SLC8A1: variants seen among roughly 807,000 people sequenced by gnomAD.
SLC8A1 encodes the protein solute carrier family 8 member A1, also known as sodium/calcium exchanger 1.
In SLC8A1, 18 loss-of-function variants were observed where a neutral mutation model predicts 68.3. The ratio of observed to expected loss-of-function variants is 0.26; its 90% CI spans 0.18 to 0.39. The LOEUF (loss-of-function observed/expected upper bound fraction) is 0.39. Ranked by LOEUF, SLC8A1 falls within the 10% of genes least tolerant of loss-of-function variation. The probability of loss-of-function intolerance (pLI) is 1.00; values close to 1 mark genes in which losing one functional copy is unlikely to be tolerated. For missense variants in SLC8A1, 985 were observed against 1,156.7 expected, an observed-to-expected ratio of 0.85 and a Z score of 2.15; for synonymous variants, 475 against 415.5, an observed-to-expected ratio of 1.14 and a Z score of -1.74.
intron 1 of SLC8A1, among the ~76,000 whole-genome samples, chr2:40,433,189 T>G (rs564281190): frequency 6.6e-6 from 1 of 152,096 alleles, no homozygotes; most frequent in Admixed American, 6.6e-5. Context: ...TCTTCATTGG[T>G]TTCCCACTTC....
chr2:40,191,686 T>C (rs1429304031), intron 2 of SLC8A1, among the ~76,000 whole-genome samples: 1 of 152,150 alleles, frequency 6.6e-6, no homozygotes, highest in African/African-American at 2.4e-5. Flanking sequence ...AATTCCTGGG[T>C]TAATTACAGG....
intron 1 of SLC8A1, among the ~76,000 whole-genome samples, chr2:40,484,808 G>T (rs998737553): frequency 1.3e-5 from 2 of 152,174 alleles, no homozygotes; most frequent in African/African-American, 2.4e-5. Context: ...CAGAGGAGCT[G>T]GTGGAGGGTC....
chr2:40,399,989 T>G (rs1327306571), intron 2 of SLC8A1, among the ~76,000 whole-genome samples: 1 of 152,188 alleles, frequency 6.6e-6, no homozygotes, highest in African/African-American at 2.4e-5. Context: ...ACAGACATTG[T>G]ATAGAAAAGC....
chr2:40,215,568 C>T (rs1371684141), intron 2 of SLC8A1, among the ~76,000 whole-genome samples: 2 of 138,728 alleles, frequency 1.4e-5, no homozygotes, highest in Admixed American at 8.1e-5. Context: ...ACCCGGGAAG[C>T]GGAGCTTGCA....
intron 2 of SLC8A1, among the ~76,000 whole-genome samples, chr2:40,265,249 A>T (rs2065218340): frequency 6.6e-6 from 1 of 152,220 alleles, no homozygotes; most frequent in South Asian, 2.1e-4. Context: ...GTTGTCCATT[A>T]CAGCAGGATA....
intron 2 of SLC8A1, among the ~76,000 whole-genome samples, chr2:40,291,966 C>T (rs1474134613): frequency 1.3e-5 from 2 of 150,850 alleles, no homozygotes; most frequent in South Asian, 4.2e-4. Flanking sequence ...CCATTAAAAG[C>T]ACCTTTATAA....
At chr2:40,158,794 G>A (rs1335945255) in intron 6 of SLC8A1, among the ~76,000 whole-genome samples, 10 of 152,138 alleles carry the variant, frequency 6.6e-5, no homozygotes, top group African/African-American at 2.2e-4. Context: ...CTTAATTATC[G>A]TAAGATAACG....
chr2:40,178,343 G>T, intron 2 of SLC8A1, 44 bp downstream of exon 3: 1 of 1,467,292 alleles, frequency 6.8e-7, no homozygotes, highest in Non-Finnish European at 9.5e-7. Flanking sequence ...GGTGGCACAG[G>T]CCAGCAGAAG....
intron 2 of SLC8A1, among the ~76,000 whole-genome samples, chr2:40,360,869 A>T (rs1172619525): frequency 6.6e-6 from 1 of 152,158 alleles, no homozygotes; most frequent in African/African-American, 2.4e-5. Context: ...GTTGTGGTTT[A>T]TCAGGGCACC....
At chr2:40,473,943 A>T (rs1704135500) in intron 1 of SLC8A1, among the ~76,000 whole-genome samples, 1 of 152,232 alleles carries the variant, frequency 6.6e-6, no homozygotes, top group Admixed American at 6.5e-5. Context: ...ATATAGGCAT[A>T]ATCTCATTTA....
intron 1 of SLC8A1, among the ~76,000 whole-genome samples, chr2:40,463,847 C>CAT (rs1333391914): frequency 0.018 from 1,581 of 90,162 alleles, 12 homozygotes; most frequent in African/African-American, 0.022. Context: ...CATACACACA[C>CAT]ACACACACAC....
chr2:40,298,105 C>T (rs367836927), intron 2 of SLC8A1, among the ~76,000 whole-genome samples: 1 of 152,122 alleles, frequency 6.6e-6, no homozygotes, highest in African/African-American at 2.4e-5. Context: ...TGGTCTCGAA[C>T]TCCTGAACTC....
At chr2:40,392,245 GAAGCAAGC>G (rs148095673) in intron 2 of SLC8A1, among the ~76,000 whole-genome samples, 1,914 of 151,016 alleles carry the variant, frequency 0.013, 22 homozygotes, top group Non-Finnish European at 0.019. Context: ...AAAGAGAAAG[GAAGCAAGC>G]AAGCAAGCAA....
At chr2:40,362,007 G>C (rs1165999585) in intron 2 of SLC8A1, among the ~76,000 whole-genome samples, 3 of 136,188 alleles carry the variant, frequency 2.2e-5, no homozygotes, top group Non-Finnish European at 4.6e-5. Flanking sequence ...TGATTCTCCT[G>C]ACTCAACCTC....
At chr2:40,125,584 A>C (rs1453494354) in intron 7 of SLC8A1, among the ~76,000 whole-genome samples, 1 of 152,196 alleles carries the variant, frequency 6.6e-6, no homozygotes, top group African/African-American at 2.4e-5. Context: ...ATTTACTAAC[A>C]GTATGTTTTA....
intron 2 of SLC8A1, among the ~76,000 whole-genome samples, chr2:40,427,335 T>G (rs1697137723): frequency 6.6e-6 from 1 of 152,108 alleles, no homozygotes; most frequent in Non-Finnish European, 1.5e-5. Flanking sequence ...CATTCACCAT[T>G]TGGCATATCA....
At chr2:40,331,753 C>T (rs2076437271) in intron 2 of SLC8A1, among the ~76,000 whole-genome samples, 1 of 151,912 alleles carries the variant, frequency 6.6e-6, no homozygotes, top group Non-Finnish European at 1.5e-5. Context: ...ACCACTGTGC[C>T]CATCTAATTT....
At chr2:40,137,301 A>C (rs900245811) in intron 7 of SLC8A1, among the ~76,000 whole-genome samples, 10 of 152,230 alleles carry the variant, frequency 6.6e-5, no homozygotes, top group South Asian at 6.2e-4. Flanking sequence ...TTCAGGAACA[A>C]GGATTTCAGA....
intron 2 of SLC8A1, among the ~76,000 whole-genome samples, chr2:40,302,156 C>A (rs2149270264): frequency 6.6e-6 from 1 of 151,542 alleles, no homozygotes; most frequent in East Asian, 2.0e-4. Context: ...CTTAGCCTCC[C>A]AGTGTGCTGG....
Sources: allele counts gnomAD v4.1 joint callset (sites outside exome capture counted in the v4.1 genomes callset), GRCh38; gene constraint gnomAD v4.1.1; transcripts MANE v1.5; gene names NCBI Gene and HGNC (gene_info 2026-07-23, HGNC 2026-07-21).